LY86: variants seen among roughly 807,000 people sequenced by gnomAD.
LY86 encodes the protein MD-1, RP105-associated.
In LY86, 20 loss-of-function variants were observed where a neutral mutation model predicts 17.3. The ratio of observed to expected loss-of-function variants is 1.15; its 90% confidence interval spans 0.81 to 1.68. The LOEUF is 1.68. Among genes scored for constraint, LY86 ranks in the 40% most tolerant of loss-of-function variants. The pLI is 0.00. For synonymous variants in LY86, 74 were observed against 70.6 expected (o/e 1.05, Z -0.24); for missense variants, 200 against 191.9 (o/e 1.04, Z -0.25).
At chr6:6,594,730 A>G (rs1760646339) in intron 1 of LY86, among the ~76,000 whole-genome samples, 1 of 152,200 alleles carries the variant, frequency 6.6e-6, no homozygotes, top group African/African-American at 2.4e-5. Context: ...CATTGTCATA[A>G]TAACCTCTCC....
chr6:6,589,516 G>A (rs896442087), intron 1 of LY86, among the ~76,000 whole-genome samples: 13 of 152,216 alleles, frequency 8.5e-5, no homozygotes, highest in Non-Finnish European at 1.9e-4. Context: ...TGAAGAGAAT[G>A]CAGTGAACTG....
intron 1 of LY86, among the ~76,000 whole-genome samples, chr6:6,595,478 A>G (rs1364900735): frequency 3.3e-5 from 5 of 151,718 alleles, no homozygotes; most frequent in Admixed American, 2.0e-4. Flanking sequence ...AAAGGAGGGG[A>G]GAGATTCATC....
chr6:6,614,943 C>G (rs1581243317), intron 1 of LY86, among the ~76,000 whole-genome samples: 1 of 152,082 alleles, frequency 6.6e-6, no homozygotes, highest in African/African-American at 2.4e-5. Flanking sequence ...AGCATCTCAC[C>G]GGCTCATAAA....
At chr6:6,601,370 C>T (rs556909796) in intron 1 of LY86, among the ~76,000 whole-genome samples, 2 of 112,800 alleles carry the variant, frequency 1.8e-5, no homozygotes, top group Admixed American at 1.0e-4. Flanking sequence ...GAAATATCTT[C>T]ATGGAAAGGG....
intron 1 of LY86, among the ~76,000 whole-genome samples, chr6:6,599,560 G>A (rs892389554): frequency 6.6e-5 from 10 of 152,210 alleles, no homozygotes; most frequent in African/African-American, 2.4e-4. Context: ...TGTCTGCCTT[G>A]CGGCTACTGG....
At chr6:6,641,185 T>A (rs1229024325) in intron 3 of LY86, among the ~76,000 whole-genome samples, 1 of 152,222 alleles carries the variant, frequency 6.6e-6, no homozygotes, top group Non-Finnish European at 1.5e-5. Context: ...TTGAGCAAGT[T>A]CTAATTGTGG....
chr6:6,601,719 C>T (rs554192351), intron 1 of LY86, among the ~76,000 whole-genome samples: 9 of 143,000 alleles, frequency 6.3e-5, no homozygotes, highest in African/African-American at 2.0e-4. Flanking sequence ...GACACTGTCT[C>T]GAAAAAAAAA....
At chr6:6,627,820 G>A (rs1232064645) in intron 3 of LY86, among the ~76,000 whole-genome samples, 1 of 152,184 alleles carries the variant, frequency 6.6e-6, no homozygotes, top group Non-Finnish European at 1.5e-5. Flanking sequence ...CTGAAGCACA[G>A]AGGGGTTTAG....
intron 1 of LY86, among the ~76,000 whole-genome samples, chr6:6,612,985 T>G (rs933741008): frequency 1.3e-5 from 2 of 151,968 alleles, no homozygotes; most frequent in African/African-American, 4.8e-5. Context: ...ATTGGTGTGT[T>G]AACAATCCTT....
chr6:6,601,170 G>A (rs546947523), intron 1 of LY86, among the ~76,000 whole-genome samples: 17 of 152,244 alleles, frequency 1.1e-4, no homozygotes, highest in Non-Finnish European at 1.9e-4. Flanking sequence ...AGACTCTTAC[G>A]TAAATACTAC....
intron 1 of LY86, among the ~76,000 whole-genome samples, chr6:6,618,049 C>T (rs1422131441): frequency 1.3e-5 from 2 of 152,204 alleles, no homozygotes; most frequent in Admixed American, 1.3e-4. Context: ...CCATGTTGGC[C>T]AGGCTGGTCT....
chr6:6,598,751 GCC>G, intron 1 of LY86, among the ~76,000 whole-genome samples: 1 of 22,810 alleles, frequency 4.4e-5, no homozygotes, highest in South Asian at 2.7e-3. Context: ...ACTCATGCCT[GCC>G]CTTGCCTTCT....
At chr6:6,624,524 G>T (rs1055495109) in intron 1 of LY86, among the ~76,000 whole-genome samples, 6 of 152,020 alleles carry the variant, frequency 3.9e-5, no homozygotes, top group Admixed American at 2.0e-4. Flanking sequence ...CCTAACTTTT[G>T]TATCTCCCTC....
chr6:6,601,720 G>A (rs557844835), intron 1 of LY86, among the ~76,000 whole-genome samples: 14 of 142,828 alleles, frequency 9.8e-5, no homozygotes, highest in African/African-American at 2.8e-4. Context: ...ACACTGTCTC[G>A]AAAAAAAAAG....
intron 1 of LY86, among the ~76,000 whole-genome samples, chr6:6,594,041 T>C (rs887338216): frequency 5.9e-5 from 9 of 152,254 alleles, no homozygotes; most frequent in African/African-American, 2.2e-4. Flanking sequence ...TGGATGTTTG[T>C]AAGGGTCAGA....
chr6:6,615,575 A>G (rs2113126972), intron 1 of LY86, among the ~76,000 whole-genome samples: 2 of 152,282 alleles, frequency 1.3e-5, no homozygotes, highest in South Asian at 4.1e-4. Context: ...TACAAAAATT[A>G]GCCCATGGTG....
chr6:6,630,998 A>G (rs1337277119), intron 3 of LY86, among the ~76,000 whole-genome samples: 1 of 152,152 alleles, frequency 6.6e-6, no homozygotes, highest in Non-Finnish European at 1.5e-5. Context: ...TTTATCAATG[A>G]TAAGATATTA....
At chr6:6,628,194 C>T (rs887772079) in intron 3 of LY86, among the ~76,000 whole-genome samples, 1 of 151,978 alleles carries the variant, frequency 6.6e-6, no homozygotes, top group Non-Finnish European at 1.5e-5. Flanking sequence ...TTCCACCTGC[C>T]CTCAGCTGGG....
intron 1 of LY86, among the ~76,000 whole-genome samples, chr6:6,603,607 A>ACAAAAC (rs1468421926): frequency 9.4e-6 from 1 of 106,642 alleles, no homozygotes; most frequent in Non-Finnish European, 2.1e-5. Context: ...CAGAAACAGA[A>ACAAAAC]AAAAAAACAA....
Sources: gnomAD v4.1 joint callset for allele counts (sites outside exome capture counted in the v4.1 genomes callset) on GRCh38, gnomAD v4.1.1 for gene constraint, MANE v1.5 for transcripts, NCBI Gene and HGNC (gene_info 2026-07-23, HGNC 2026-07-21) for gene names.